The following PDLIM1 variants were observed in gnomAD, a reference collection of about 807,000 sequenced individuals.
The protein encoded by PDLIM1 is PDZ and LIM domain 1.
In PDLIM1, 25 loss-of-function variants were observed where a neutral mutation model predicts 35.2. That is an observed-to-expected ratio of 0.71 (90% CI 0.52 to 0.99). PDLIM1 has a LOEUF of 0.99. Ranked by LOEUF, PDLIM1 falls within the 50% of genes least tolerant of loss-of-function variation. The probability of loss-of-function intolerance (pLI) is 0.00; values close to 1 mark genes in which losing one functional copy is unlikely to be tolerated. For synonymous variants in PDLIM1, 152 were observed against 154.0 expected, an observed-to-expected ratio of 0.99 and a Z score of 0.10; for missense variants, 363 against 415.3, an observed-to-expected ratio of 0.87 and a Z score of 1.09.
At chr10:95,239,740 G>A (rs2035160433) in intron 5 of PDLIM1, among the ~76,000 whole-genome samples, 1 of 152,158 alleles carries the variant, frequency 6.6e-6, no homozygotes. Flanking sequence ...AGGTTGCAAT[G>A]GGCTGAGATT....
intron 4 of PDLIM1, among the ~76,000 whole-genome samples, chr10:95,251,028 G>A (rs2035263361): frequency 6.6e-6 from 1 of 152,136 alleles, no homozygotes; most frequent in African/African-American, 2.4e-5. Flanking sequence ...ACCTCCCAGA[G>A]GAGGATTTTG....
In PDLIM1 at chr10:95,245,312, G is replaced by A. The variant is rs554506142; in HGVS notation, c.685+1903C>T. On this transcript the variant is annotated intron_variant, in intron 5 of 6. Coordinates refer to ENST00000329399, the MANE Select transcript of PDLIM1 (RefSeq NM_020992.4). ...CCCTTCTTCCTCCCTGTCACCTGGG[G>A]GTAAGCATGATGGTTGGAACACCAG... is the stretch of plus-strand genomic sequence containing the variant. 3.3e-5 allele frequency among the ~76,000 whole-genome samples: 5 copies of A among 152,240 alleles called. No homozygotes were observed. The South Asian group carries it at 1.0e-3, about 32-fold the overall frequency.
chr10:95,238,013 A>C lies in PDLIM1; in HGVS notation c.902T>G (p.Val301Gly). ...TNLKQKGHFF[V>G]EDQIYCEKHA... Reference sequence around the variant, plus strand: ...CTTCTCACAGTAGATTTGATCCTCCACAAAGAAATGGCCCTTCTGTTTCAG... The same window carrying C: ...CTTCTCACAGTAGATTTGATCCTCCCCAAAGAAATGGCCCTTCTGTTTCAG... The change falls in exon 7 of 7, where the codon GTG (valine) becomes GGG (glycine). Residue 301 changes from valine to glycine, a missense_variant. Val to Gly is a moderately radical substitution (Grantham distance 109). Transcript: ENST00000329399. The C allele has an allele frequency of 6.2e-7, 1 of 1,614,152 alleles. No individual in the cohort carries two copies. The highest frequency in any genetic ancestry group is 1.1e-5 in the South Asian group (1 of 91,072).
Position 95,237,961 on chromosome 10 carries a change from A to G in PDLIM1, c.954T>C (p.Pro318=). 6.2e-7 allele frequency: 1 copy of G among 1,614,194 alleles called. No individual in the cohort carries two copies. Among genetic ancestry groups the G allele is most frequent in the Non-Finnish European group, 8.5e-7 (1 of 1,180,038 alleles). ...ACACAGTGACCACTTCATAACCCTCAGGTGGTGTGACTCGCTCCCGGGCAT... is the reference window on the plus strand; with the variant it reads ...ACACAGTGACCACTTCATAACCCTCGGGTGGTGTGACTCGCTCCCGGGCAT... The part of the protein sequence containing the change: ...EKHARERVTP[P]EGYEVVTVFP... Residue 318 remains proline, a synonymous_variant, in exon 7 of 7, where the codon CCT becomes CCC. Transcript: ENST00000329399.
intron 5 of PDLIM1, 33 bp from the exon 6 acceptor site, chr10:95,238,718 A>G: frequency 7.4e-7 from 1 of 1,355,476 alleles, no homozygotes; most frequent in Non-Finnish European, 1.1e-6. Context: ...ATTGGCCAGG[A>G]AGGGCAGAAT....
At position 95,290,243 on chromosome 10, in the gene PDLIM1, AGTTT is replaced by A. The variant is rs45592836; in HGVS notation, c.96+573_96+576del. On this transcript the variant is annotated intron_variant, in intron 1 of 6. Transcript: ENST00000329399. The surrounding 1 kb of genome is among the most constrained non-coding windows in gnomAD (Gnocchi z 4.7). Reference sequence around the variant, plus strand: ...GAGAATGACCAAGAGGGTTTACTTGAGTTTGTTTGTTGTGTTTATTTCCCGAATC... The same window carrying A: ...GAGAATGACCAAGAGGGTTTACTTGAGTTTGTTGTGTTTATTTCCCGAATC... Among the ~76,000 whole-genome samples the A allele has an allele frequency of 0.019, 2,857 of 152,018 alleles. 104 individuals carry two copies. Among genetic ancestry groups the A allele is most frequent in the African/African-American group, 0.065 (2,699 of 41,434 alleles).
chr10:95,271,326 A>C (rs965371221), intron 2 of PDLIM1, among the ~76,000 whole-genome samples: 4 of 151,238 alleles, frequency 2.6e-5, no homozygotes, highest in Non-Finnish European at 5.9e-5. Context: ...AATCCCAGCT[A>C]CTCAGGAGGC....
At chr10:95,255,131 G>A (rs1013268753) in intron 4 of PDLIM1, among the ~76,000 whole-genome samples, 6 of 151,860 alleles carry the variant, frequency 4.0e-5, no homozygotes, top group Non-Finnish European at 8.8e-5. Flanking sequence ...TAGTAAGGAG[G>A]TTCAATCAGT....
chr10:95,269,611 C>T (rs1315255941), intron 2 of PDLIM1, among the ~76,000 whole-genome samples: 20 of 149,940 alleles, frequency 1.3e-4, no homozygotes, highest in Non-Finnish European at 1.2e-4. Context: ...CTCTTTTGCT[C>T]TTATAAACTA....
rs758319974 is a variant in PDLIM1, at chr10:95,247,224, C to T, written c.676G>A (p.Glu226Lys). The change falls in exon 5 of 7, where the codon GAA becomes AAA. Residue 226 changes from glutamate (E) to lysine (K), a missense_variant. By Grantham distance (56) the Glu-to-Lys change is moderately conservative. Coordinates refer to ENST00000329399, the MANE Select transcript of PDLIM1 (RefSeq NM_020992.4). ...FLVLQEILESEEKGDPNKPSG... is the reference protein window; with the variant it reads ...FLVLQEILESKEKGDPNKPSG... ...AGATGGAGCTGATTACCTTTTTCTT[C>T]AGACTCCAGGATTTCCTGCAAAACC... The T allele has an allele frequency of 6.2e-7, 1 of 1,612,036 alleles. No individual in the cohort carries two copies. Among genetic ancestry groups the T allele is most frequent in the East Asian group, 2.2e-5 (1 of 44,866 alleles).
chr10:95,287,661 A>G (rs2035614311), intron 1 of PDLIM1, among the ~76,000 whole-genome samples: 1 of 152,108 alleles, frequency 6.6e-6, no homozygotes, highest in Non-Finnish European at 1.5e-5. Flanking sequence ...ATTAACATGG[A>G]AAATTTTTTT....
At chr10:95,266,322 G>C (rs1488717568) in intron 3 of PDLIM1, among the ~76,000 whole-genome samples, 1 of 152,150 alleles carries the variant, frequency 6.6e-6, no homozygotes, top group Non-Finnish European at 1.5e-5. Flanking sequence ...AGTAATTAAA[G>C]GCTATGGTCA....
rs1477300032 is a variant in PDLIM1, at chr10:95,271,737, A to T, written c.144T>A (p.Asp48Glu). The change falls in exon 2 of 7, where the codon GAT becomes GAA. Residue 48 changes from aspartate (D) to glutamate (E), a missense_variant. Physicochemically the swap from Asp to Glu is conservative, Grantham distance 45 (BLOSUM62 2). Transcript: ENST00000329399. Reference protein sequence around the residue: ...KAALANLCIGDVITAIDGENT... With the variant: ...KAALANLCIGEVITAIDGENT... ...TTTCCCCATCAATGGCTGTGATTAC[A>T]TCTCCAATACATAAATTAGCTAGAG... The T allele has an allele frequency of 6.2e-7, 1 of 1,613,094 alleles. No individual in the cohort carries two copies.
chr10:95,264,132 G>A (rs2035391362), intron 3 of PDLIM1, 69 bp from the exon 4 acceptor site: 2 of 1,376,064 alleles, frequency 1.5e-6, no homozygotes, highest in Non-Finnish European at 2.1e-6. Context: ...GGCAGTGCAG[G>A]CTGAGCGCCA....
intron 4 of PDLIM1, among the ~76,000 whole-genome samples, chr10:95,252,009 C>T (rs1456560100): frequency 1.3e-5 from 2 of 152,180 alleles, no homozygotes; most frequent in East Asian, 3.9e-4. Context: ...CAGAAAGGGG[C>T]AGCCCAGCAA....
At chr10:95,253,950 G>A (rs905951934) in intron 4 of PDLIM1, among the ~76,000 whole-genome samples, 1 of 151,998 alleles carries the variant, frequency 6.6e-6, no homozygotes, top group Non-Finnish European at 1.5e-5. Flanking sequence ...TATACACAAT[G>A]TAATACCCAG....
rs1447895150 is a variant in PDLIM1 at position 95,290,524 on chromosome 10, GAACT to G, written c.96+292_96+295del. Among the ~76,000 whole-genome samples the G allele has an allele frequency of 1.3e-5, 2 of 152,144 alleles. No individual in the cohort carries two copies. The highest frequency in any genetic ancestry group is 2.4e-5 in the African/African-American group (1 of 41,438). On this transcript the variant is annotated intron_variant, in intron 1 of 6. Transcript: ENST00000329399. This position sits in a 1 kb window ranked among gnomAD's most constrained non-coding sequence, Gnocchi z 4.7. Reference sequence around the variant, plus strand: ...CCTCGTCCCCTCGCTGGTTGACAAAGAACTAACACCCGCCCCGCCGCGCTTCCGG... The same window carrying G: ...CCTCGTCCCCTCGCTGGTTGACAAAGAACACCCGCCCCGCCGCGCTTCCGG...
intron 5 of PDLIM1, among the ~76,000 whole-genome samples, chr10:95,245,910 G>C (rs2035214991): frequency 6.6e-6 from 1 of 152,154 alleles, no homozygotes; most frequent in Non-Finnish European, 1.5e-5. Flanking sequence ...ATCTTCGGCT[G>C]CGGACTTTGA....
rs575211791 is a variant in PDLIM1, at chr10:95,242,514, C to G, written c.686-3829G>C. Among the ~76,000 whole-genome samples the G allele has an allele frequency of 6.8e-4, 104 of 151,872 alleles. 1 individual carries two copies. The highest frequency in any genetic ancestry group is 1.0e-3 in the Non-Finnish European group (71 of 68,002). On this transcript the variant is annotated intron_variant, in intron 5 of 6. Coordinates refer to ENST00000329399, the MANE Select transcript of PDLIM1 (RefSeq NM_020992.4). ...CCAGCCTGGCCAACATGGTGAAACC[C>G]CATCTCTACTAACAATACAGAAACT...
Sources: gnomAD v4.1 joint callset for allele counts (sites outside exome capture counted in the v4.1 genomes callset) on GRCh38, gnomAD v4.1.1 for gene constraint, Gnocchi (gnomAD v3.1) non-coding constraint, MANE v1.5 for transcripts, NCBI Gene and HGNC (gene_info 2026-07-23, HGNC 2026-07-21) for gene names.